Variants in KCNJ6 observed in about 807,000 individuals in gnomAD.
KCNJ6 encodes potassium inwardly rectifying channel subfamily J member 6.
In KCNJ6, 9 loss-of-function variants were observed where a neutral mutation model predicts 34.2. That is an observed-to-expected ratio of 0.26 (90% CI 0.16 to 0.46). The LOEUF (loss-of-function observed/expected upper bound fraction) is 0.46, where lower values mean the gene tolerates loss of function less well. Ranked by LOEUF, KCNJ6 falls within the 20% of genes least tolerant of loss-of-function variation. The probability of loss-of-function intolerance (pLI) is 1.00; values close to 1 mark genes in which losing one functional copy is unlikely to be tolerated. For missense variants in KCNJ6, 236 were observed against 531.3 expected (o/e 0.44, Z 5.46); for synonymous variants, 196 against 207.1 (o/e 0.95, Z 0.46).
Position 37,607,463 on chromosome 21 carries a change from G to T in KCNJ6, c.*17696C>A, listed in dbSNP as rs1475180246. On this transcript the variant is annotated 3_prime_UTR_variant, in exon 4 of 4. Transcript: ENST00000609713. Reference sequence around the variant, plus strand: ...TTCCCTAACACAGCGAGTTCTTAAAGATATATATATATATATATATTTTTT... The same window carrying T: ...TTCCCTAACACAGCGAGTTCTTAAATATATATATATATATATATATTTTTT... 2.3e-5 allele frequency: 3 copies of T among 128,726 alleles called. No homozygotes were observed. The highest frequency in any genetic ancestry group is 3.2e-5 in the Non-Finnish European group (2 of 62,276). 8.0% of individuals were successfully genotyped at this position (128,726 alleles called of 1,614,324 possible).
At chr21:37,888,590 G>A (rs149213357) in intron 1 of KCNJ6, among the ~76,000 whole-genome samples, 1 of 152,366 alleles carries the variant, frequency 6.6e-6, no homozygotes, top group Non-Finnish European at 1.5e-5. Context: ...ATGGGGATGG[G>A]AGGAAGGTGG....
intron 2 of KCNJ6, among the ~76,000 whole-genome samples, chr21:37,819,999 G>T (rs2123552933): frequency 6.6e-6 from 1 of 152,004 alleles, no homozygotes; most frequent in South Asian, 2.1e-4. Context: ...TGTTGGTCAG[G>T]CTGGTCTCGA....
chr21:37,703,366 A>C (rs1211174245), intron 3 of KCNJ6, among the ~76,000 whole-genome samples: 2 of 151,726 alleles, frequency 1.3e-5, no homozygotes, highest in African/African-American at 4.9e-5. Context: ...GGAGAGGCCC[A>C]GGTATGTGGT....
intron 2 of KCNJ6, among the ~76,000 whole-genome samples, chr21:37,785,764 T>C (rs960997434): frequency 6.6e-6 from 1 of 152,234 alleles, no homozygotes; most frequent in Non-Finnish European, 1.5e-5. Flanking sequence ...AATTCGCACA[T>C]TGAAATCGTC....
chr21:37,718,342 G>C (rs1311757556), intron 2 of KCNJ6, among the ~76,000 whole-genome samples: 1 of 152,182 alleles, frequency 6.6e-6, no homozygotes, highest in Non-Finnish European at 1.5e-5. Context: ...TTTTCAAATT[G>C]AGCCTTATCT....
At chr21:37,742,195 C>T (rs544758696) in intron 2 of KCNJ6, among the ~76,000 whole-genome samples, 1 of 152,314 alleles carries the variant, frequency 6.6e-6, no homozygotes, top group South Asian at 2.1e-4. Flanking sequence ...GGTTATTAAC[C>T]AAGTCCTGGT....
At chr21:37,683,136 A>G (rs1398979027) in intron 3 of KCNJ6, among the ~76,000 whole-genome samples, 1 of 152,270 alleles carries the variant, frequency 6.6e-6, no homozygotes, top group Non-Finnish European at 1.5e-5. Context: ...ATCCTGATTT[A>G]CATTATAATT....
In KCNJ6 at chr21:37,625,153, AG is replaced by A. The variant is rs1456997614; in HGVS notation, c.*5del. On this transcript the variant is annotated 3_prime_UTR_variant, in exon 4 of 4. Coordinates refer to ENST00000609713, the MANE Select transcript of KCNJ6 (RefSeq NM_002240.5). ...GGAGAAGAGAAGGGTTTGCCCAGCT[AG>A]GGCACTAAACTTTGGATTCATTCTC... 1.2e-6 allele frequency: 2 copies of A among 1,600,410 alleles called. No individual in the cohort carries two copies. The highest frequency in any genetic ancestry group is 3.3e-5 in the Admixed American group (2 of 59,838).
At position 37,618,570 on chromosome 21, in the gene KCNJ6, G is replaced by A. The variant is rs147625463; in HGVS notation, c.*6589C>T. The A allele has an allele frequency of 7.9e-4, 121 of 152,300 alleles. No homozygotes were observed. Among genetic ancestry groups the A allele is most frequent in the African/African-American group, 2.7e-3 (113 of 41,558 alleles). The allele number at this position is 152,300 out of a possible 1,614,324, so 9.4% of individuals were successfully genotyped here. On this transcript the variant is annotated 3_prime_UTR_variant, in exon 4 of 4. Coordinates refer to ENST00000609713, the MANE Select transcript of KCNJ6 (RefSeq NM_002240.5). ...TCGGTGTTAAAACAATGGGCACTGA[G>A]CCTTAATCTTGAAATGGGCAATTAC...
At chr21:37,774,109 C>G (rs934638484) in intron 2 of KCNJ6, among the ~76,000 whole-genome samples, 1 of 152,120 alleles carries the variant, frequency 6.6e-6, no homozygotes, top group African/African-American at 2.4e-5. Context: ...TTCTTCTTGT[C>G]TTATCCTTAC....
At chr21:37,731,867 G>C (rs2054887216) in intron 2 of KCNJ6, among the ~76,000 whole-genome samples, 1 of 152,194 alleles carries the variant, frequency 6.6e-6, no homozygotes, top group Non-Finnish European at 1.5e-5. Context: ...GATAAGAAGA[G>C]TCCAGGATGA....
intron 2 of KCNJ6, among the ~76,000 whole-genome samples, chr21:37,832,224 C>T (rs2055429548): frequency 6.6e-6 from 1 of 150,404 alleles, no homozygotes; most frequent in Non-Finnish European, 1.5e-5. Context: ...TGAGTGTGAA[C>T]CTGAGATAAG....
chr21:37,667,862 A>T (rs1219437441), intron 3 of KCNJ6, among the ~76,000 whole-genome samples: 1 of 152,050 alleles, frequency 6.6e-6, no homozygotes, highest in Non-Finnish European at 1.5e-5. Flanking sequence ...CATCTCGTGC[A>T]GTTGGGCCAG....
chr21:37,859,400 A>G (rs1196020148), intron 1 of KCNJ6, among the ~76,000 whole-genome samples: 3 of 149,868 alleles, frequency 2.0e-5, no homozygotes, highest in Non-Finnish European at 4.4e-5. Context: ...AACTCATAAC[A>G]GTGGTTGTCT....
At chr21:37,655,471 C>T (rs1762977998) in intron 3 of KCNJ6, among the ~76,000 whole-genome samples, 2 of 151,878 alleles carry the variant, frequency 1.3e-5, no homozygotes, top group South Asian at 4.1e-4. Flanking sequence ...ACTTTTTCTT[C>T]TAAGGAAGAA....
chr21:37,683,606 T>G lies in KCNJ6; in HGVS notation c.946+30605A>C, dbSNP rs577656022. Among the ~76,000 whole-genome samples the G allele has an allele frequency of 4.6e-5, 7 of 152,350 alleles. 1 individual carries two copies. In the South Asian group the frequency reaches 1.5e-3, roughly 32 times the overall value. ...GGCCAGAATGGTCTGTTTTCCCTGC[T>G]TAACATATTTGTTTGTTCGTTTGCA... On this transcript the variant is annotated intron_variant, in intron 3 of 3. Transcript: ENST00000609713.
intron 2 of KCNJ6, among the ~76,000 whole-genome samples, chr21:37,723,561 AC>A (rs1179036138): frequency 9.8e-5 from 15 of 152,374 alleles, no homozygotes; most frequent in African/African-American, 3.6e-4. Context: ...AAAATGTGGT[AC>A]AATACACCAT....
chr21:37,694,428 C>A (rs1286926981), intron 3 of KCNJ6, among the ~76,000 whole-genome samples: 1 of 152,140 alleles, frequency 6.6e-6, no homozygotes, highest in Non-Finnish European at 1.5e-5. Flanking sequence ...TTCAATACTG[C>A]CTGACTGTGG....
At chr21:37,676,293 C>T (rs539252272) in intron 3 of KCNJ6, among the ~76,000 whole-genome samples, 8 of 152,192 alleles carry the variant, frequency 5.3e-5, no homozygotes, top group Admixed American at 1.3e-4. Flanking sequence ...AGGTGTGAGT[C>T]CCGTGACCTC....
Sources: allele counts gnomAD v4.1 joint callset (sites outside exome capture counted in the v4.1 genomes callset), GRCh38; gene constraint gnomAD v4.1.1; transcripts MANE v1.5; gene names NCBI Gene and HGNC (gene_info 2026-07-23, HGNC 2026-07-21).